SIPA1L1: variants seen among roughly 807,000 people sequenced by gnomAD.
SIPA1L1 encodes the protein signal induced proliferation associated 1 like 1.
SIPA1L1 carries 26 observed loss-of-function variants against 162.7 expected under a neutral mutation model. That is an observed-to-expected ratio of 0.16 (90% confidence interval 0.12 to 0.22). SIPA1L1 has a LOEUF of 0.22. SIPA1L1 is among the 10% of genes least tolerant of loss of function. The pLI is 1.00. For synonymous variants in SIPA1L1, 829 were observed against 837.4 expected, an observed-to-expected ratio of 0.99 and a Z score of 0.17; for missense variants, 1,874 against 2,241.0, an observed-to-expected ratio of 0.84 and a Z score of 3.31.
Position 71,626,131 on chromosome 14 carries a change from C to T in SIPA1L1, c.1818+1895C>T, listed in dbSNP as rs374482751. Among the ~76,000 whole-genome samples the T allele has an allele frequency of 3.9e-5, 6 of 152,290 alleles. No homozygotes were observed. The East Asian group carries it at 5.8e-4, about 15-fold the overall frequency. On this transcript the variant is annotated intron_variant, in intron 7 of 23. Transcript: ENST00000381232. ...GGAAGCATTAAAATGTCCCTTCCTT[C>T]ATAAATTATTAATCATAATATATGA...
chr14:71,434,373 T>C (rs1282003947), intron 2 of SIPA1L1, among the ~76,000 whole-genome samples: 1 of 152,218 alleles, frequency 6.6e-6, no homozygotes, highest in Admixed American at 6.5e-5. Context: ...TGAAGTAAGT[T>C]TAATCACAAA....
chr14:71,359,322 C>T (rs1323104047), intron 2 of SIPA1L1, among the ~76,000 whole-genome samples: 1 of 152,184 alleles, frequency 6.6e-6, no homozygotes, highest in African/African-American at 2.4e-5. Flanking sequence ...TCTCCCCAGC[C>T]ATGTGGAACT....
At chr14:71,531,457 T>A (rs2053439848) in intron 4 of SIPA1L1, among the ~76,000 whole-genome samples, 1 of 152,164 alleles carries the variant, frequency 6.6e-6, no homozygotes, top group South Asian at 2.1e-4. Context: ...TTGGAAATCT[T>A]TGTTGTGCCT....
intron 4 of SIPA1L1, among the ~76,000 whole-genome samples, chr14:71,543,973 A>G (rs908487382): frequency 1.3e-5 from 2 of 150,238 alleles, no homozygotes; most frequent in Admixed American, 6.6e-5. Flanking sequence ...GTATATATAC[A>G]CACACGCACA....
chr14:71,448,531 T>C (rs1482345331), intron 2 of SIPA1L1, among the ~76,000 whole-genome samples: 2 of 152,206 alleles, frequency 1.3e-5, no homozygotes, highest in Non-Finnish European at 2.9e-5. Flanking sequence ...AAGTATAACA[T>C]GAATTTTCAA....
At chr14:71,434,894 G>A (rs371179861) in intron 2 of SIPA1L1, among the ~76,000 whole-genome samples, 31 of 152,268 alleles carry the variant, frequency 2.0e-4, no homozygotes, top group African/African-American at 3.4e-4. Context: ...TGTATGCTTC[G>A]TAGAAATTTA....
chr14:71,580,196 T>C (rs2033721465), intron 4 of SIPA1L1, among the ~76,000 whole-genome samples: 1 of 152,234 alleles, frequency 6.6e-6, no homozygotes, highest in African/African-American at 2.4e-5. Context: ...CAGTATGCGA[T>C]TCCTTGAGCC....
At chr14:71,640,592 C>T (rs764263559) in intron 7 of SIPA1L1, among the ~76,000 whole-genome samples, 1 of 152,168 alleles carries the variant, frequency 6.6e-6, no homozygotes, top group Non-Finnish European at 1.5e-5. Flanking sequence ...TACTAGAGAA[C>T]TCAAATCTGT....
At position 71,588,008 on chromosome 14, in the gene SIPA1L1, T is replaced by G; in HGVS notation, c.136T>G (p.Leu46Val). ...GCGCTTCCGGTCCCAAAATGGCAGC[T>G]TAGGATCATCAGTTATGGCTCCTGT... ...MRRFRSQNGS[L>V]GSSVMAPVGP... is the part of the protein sequence containing the mutation. The change falls in exon 5 of 24, where the codon TTA becomes GTA. Residue 46 changes from leucine to valine, a missense_variant. By Grantham distance (32) the Leu-to-Val change is conservative. Transcript: ENST00000381232. The surrounding 1 kb of genome is among the most constrained non-coding windows in gnomAD (Gnocchi z 4.3). 1 of 1,614,136 alleles carries G rather than the reference T, an allele frequency of 6.2e-7. No homozygotes were observed. Among genetic ancestry groups the G allele is most frequent in the Non-Finnish European group, 8.5e-7 (1 of 1,179,988 alleles).
chr14:71,659,873 C>T (rs901555252), intron 9 of SIPA1L1, among the ~76,000 whole-genome samples: 6 of 151,564 alleles, frequency 4.0e-5, no homozygotes, highest in African/African-American at 1.5e-4. Context: ...ATTGGTACTG[C>T]AACATATGAA....
At chr14:71,330,826 C>A in intron 2 of SIPA1L1, 1 of 619,766 alleles carries the variant, frequency 1.6e-6, no homozygotes, top group Non-Finnish European at 2.9e-6. Flanking sequence ...GATATTAACA[C>A]CTTATGAGAT....
rs397853535 is a variant in SIPA1L1, at chr14:71,440,646, CAAAAAAAA to C, written c.-464-72078_-464-72071del. On this transcript the variant is annotated intron_variant, in intron 2 of 23. Transcript: ENST00000381232. ...CTTGGGTGACAGTGAGAACCCATCT[CAAAAAAAA>C]AAAAAAAAAAAAAAAAAAGGAAAAG... Among the ~76,000 whole-genome samples, 324 of 55,710 alleles carry C rather than the reference CAAAAAAAA, an allele frequency of 5.8e-3. 1 individual carries two copies. Among genetic ancestry groups the C allele is most frequent in the South Asian group, 0.028 (27 of 964 alleles). The allele number at this position is 55,710 out of a possible 152,430, so 36.5% of individuals were successfully genotyped here. A position where few individuals can be genotyped will look rare whatever the true frequency, so the allele number is the denominator to read the frequency against.
chr14:71,544,241 T>A (rs1379022898), intron 4 of SIPA1L1, among the ~76,000 whole-genome samples: 1 of 144,014 alleles, frequency 6.9e-6, no homozygotes, highest in South Asian at 2.1e-4. Context: ...CATGTATGTA[T>A]ACACATATGT....
At chr14:71,467,528 A>AT (rs1022461901) in intron 2 of SIPA1L1, among the ~76,000 whole-genome samples, 2 of 151,954 alleles carry the variant, frequency 1.3e-5, no homozygotes, top group African/African-American at 2.4e-5. Context: ...ATCTTGGAGT[A>AT]TTTTTTTTGT....
rs75328357 is a variant in SIPA1L1 at position 71,598,650 on chromosome 14, A to T, written c.1498+9280A>T. Reference sequence around the variant, plus strand: ...ACATAACAACAAAATGCAACATGGGATTCTGAATGGGATTGGGGGGATTGC... The same window carrying T: ...ACATAACAACAAAATGCAACATGGGTTTCTGAATGGGATTGGGGGGATTGC... On this transcript the variant is annotated intron_variant, in intron 5 of 23. Transcript: ENST00000381232. Among the ~76,000 whole-genome samples the T allele has an allele frequency of 5.1e-3, 777 of 152,320 alleles. 8 individuals are homozygous for T. Among genetic ancestry groups the T allele is most frequent in the African/African-American group, 0.018 (736 of 41,588 alleles).
chr14:71,397,705 T>A (rs889561966), intron 2 of SIPA1L1, among the ~76,000 whole-genome samples: 8 of 152,236 alleles, frequency 5.3e-5, no homozygotes, highest in African/African-American at 1.9e-4. Context: ...GCCCTTCTAG[T>A]TGCTTCCATC....
At chr14:71,677,998 G>A (rs186026639) in intron 12 of SIPA1L1, among the ~76,000 whole-genome samples, 16 of 152,222 alleles carry the variant, frequency 1.1e-4, no homozygotes, top group Admixed American at 3.9e-4. Flanking sequence ...TTTGTATCCT[G>A]AGACTTTGCT....
At chr14:71,708,352 C>G (rs1228350720) in intron 16 of SIPA1L1, among the ~76,000 whole-genome samples, 1 of 148,820 alleles carries the variant, frequency 6.7e-6, no homozygotes, top group Non-Finnish European at 1.5e-5. Flanking sequence ...CAGGGTATCA[C>G]TCTGTCACCA....
At chr14:71,722,394 G>A (rs142659335) in intron 17 of SIPA1L1, among the ~76,000 whole-genome samples, 28 of 152,312 alleles carry the variant, frequency 1.8e-4, no homozygotes, top group African/African-American at 6.0e-4. Context: ...AGGTCAGGAC[G>A]ATTCATTTTT....
Sources: allele counts gnomAD v4.1 joint callset (sites outside exome capture counted in the v4.1 genomes callset), GRCh38; gene constraint gnomAD v4.1.1; non-coding constraint Gnocchi (gnomAD v3.1); transcripts MANE v1.5; gene names NCBI Gene and HGNC (gene_info 2026-07-23, HGNC 2026-07-21).